The following OPCML variants were observed in gnomAD, a reference collection of about 807,000 sequenced individuals.
OPCML encodes opioid-binding protein/cell adhesion molecule.
OPCML carries 13 observed loss-of-function variants against 37.8 expected under a neutral mutation model. That is an observed-to-expected ratio of 0.34 (90% CI 0.22 to 0.55). The LOEUF (loss-of-function observed/expected upper bound fraction) is 0.55. Among genes scored for constraint, OPCML ranks in the 20% least tolerant of loss-of-function variants. The pLI is 0.91. For missense variants in OPCML, 341 were observed against 435.6 expected (o/e 0.78, Z 1.93); for synonymous variants, 176 against 168.8 (o/e 1.04, Z -0.33).
At chr11:133,447,777 G>A (rs1246220812) in intron 1 of OPCML, among the ~76,000 whole-genome samples, 1 of 152,122 alleles carries the variant, frequency 6.6e-6, no homozygotes, top group African/African-American at 2.4e-5. Flanking sequence ...ACCACTGAGG[G>A]GCTCTTAGGT....
At chr11:132,969,627 T>C (rs1946295332) in intron 1 of OPCML, among the ~76,000 whole-genome samples, 1 of 152,214 alleles carries the variant, frequency 6.6e-6, no homozygotes, top group Non-Finnish European at 1.5e-5. Flanking sequence ...TCTGTTTTTC[T>C]GATTGCGTAC....
At chr11:132,647,708 T>C (rs1941226157) in intron 3 of OPCML, among the ~76,000 whole-genome samples, 1 of 152,150 alleles carries the variant, frequency 6.6e-6, no homozygotes, top group Admixed American at 6.5e-5. Flanking sequence ...GAGGGGTAGG[T>C]CTTGCGGTCT....
At chr11:132,949,558 A>C (rs1419210919) in intron 1 of OPCML, among the ~76,000 whole-genome samples, 2 of 152,234 alleles carry the variant, frequency 1.3e-5, no homozygotes, top group African/African-American at 4.8e-5. Flanking sequence ...TTGTGGCAGG[A>C]CATTATCTGC....
intron 2 of OPCML, among the ~76,000 whole-genome samples, chr11:132,916,298 C>A (rs181942907): frequency 6.6e-6 from 1 of 152,280 alleles, no homozygotes; most frequent in Non-Finnish European, 1.5e-5. Flanking sequence ...GGCATTTGTG[C>A]TGACTCTCCC....
intron 2 of OPCML, among the ~76,000 whole-genome samples, chr11:132,678,641 A>G (rs963832531): frequency 1.3e-5 from 2 of 152,246 alleles, no homozygotes; most frequent in African/African-American, 4.8e-5. Flanking sequence ...AAAAGGCTAC[A>G]TATTGTATGA....
chr11:132,601,035 A>G (rs1937847774), intron 3 of OPCML, among the ~76,000 whole-genome samples: 1 of 152,120 alleles, frequency 6.6e-6, no homozygotes, highest in Non-Finnish European at 1.5e-5. Context: ...TTGCCAATGT[A>G]TAATGTATAT....
chr11:132,619,035 C>T (rs375746229), intron 3 of OPCML, among the ~76,000 whole-genome samples: 5 of 151,762 alleles, frequency 3.3e-5, no homozygotes, highest in African/African-American at 9.7e-5. Flanking sequence ...CCTATGGTTT[C>T]GAGGGAAAGC....
At chr11:132,942,161 AT>A (rs1340690508) in intron 2 of OPCML, among the ~76,000 whole-genome samples, 3 of 152,154 alleles carry the variant, frequency 2.0e-5, no homozygotes, top group Admixed American at 6.5e-5. Context: ...CTGCATTTTT[AT>A]TAAAGTATCT....
chr11:133,039,808 T>G (rs1055302320), intron 1 of OPCML, among the ~76,000 whole-genome samples: 3 of 152,006 alleles, frequency 2.0e-5, no homozygotes, highest in East Asian at 3.9e-4. Flanking sequence ...GGCGGGCACA[T>G]CACGAGGTCA....
At chr11:132,868,592 C>A (rs78063543) in intron 2 of OPCML, among the ~76,000 whole-genome samples, 1,964 of 152,204 alleles carry the variant, frequency 0.013, 50 homozygotes, top group African/African-American at 0.045. Context: ...CTAAGCTGTT[C>A]TTCTGGCCCG....
intron 1 of OPCML, among the ~76,000 whole-genome samples, chr11:133,513,123 G>A (rs1948193978): frequency 1.3e-5 from 2 of 152,060 alleles, no homozygotes; most frequent in Non-Finnish European, 2.9e-5. Context: ...AGAAGAATAT[G>A]AAGAGAGATG....
At chr11:133,529,350 G>A (rs1948555245) in intron 1 of OPCML, among the ~76,000 whole-genome samples, 1 of 152,132 alleles carries the variant, frequency 6.6e-6, no homozygotes, top group South Asian at 2.1e-4. Flanking sequence ...AGGTCAAGAA[G>A]GCCACCAGCC....
chr11:132,941,513 G>C (rs1024640817), intron 2 of OPCML, among the ~76,000 whole-genome samples: 4 of 152,182 alleles, frequency 2.6e-5, no homozygotes, highest in Non-Finnish European at 5.9e-5. Flanking sequence ...AAGCCAACTA[G>C]CTCACTGCAA....
intron 4 of OPCML, among the ~76,000 whole-genome samples, chr11:132,492,683 G>C (rs1197282523): frequency 6.6e-6 from 1 of 152,158 alleles, no homozygotes. Flanking sequence ...CAGGAATTCA[G>C]AGGAGAGGTT....
chr11:132,508,042 C>T (rs980871518), intron 4 of OPCML, among the ~76,000 whole-genome samples: 3 of 152,086 alleles, frequency 2.0e-5, no homozygotes, highest in African/African-American at 7.2e-5. Context: ...GGTAAAGGAG[C>T]TCTCTGAAAC....
intron 1 of OPCML, chr11:133,360,597 A>C (rs117675454): frequency 6.6e-6 from 1 of 152,070 alleles, no homozygotes; most frequent in Non-Finnish European, 1.5e-5. Context: ...GCGGGGACGG[A>C]GGGGAGAAAG....
intron 1 of OPCML, among the ~76,000 whole-genome samples, chr11:133,433,251 CAAAAAA>C (rs71477795): frequency 1.1e-5 from 1 of 90,734 alleles, no homozygotes; most frequent in African/African-American, 4.6e-5. Context: ...GACTCCGTCT[CAAAAAA>C]AAAAAAAAAA....
At chr11:133,042,140 G>A (rs548906513) in intron 1 of OPCML, among the ~76,000 whole-genome samples, 57 of 152,246 alleles carry the variant, frequency 3.7e-4, no homozygotes, top group Non-Finnish European at 5.1e-4. Flanking sequence ...ATGAGGCCCC[G>A]GCTCCTATTT....
At chr11:132,970,717 T>C (rs1021257298) in intron 1 of OPCML, among the ~76,000 whole-genome samples, 2 of 152,206 alleles carry the variant, frequency 1.3e-5, no homozygotes, top group African/African-American at 4.8e-5. Flanking sequence ...ATGTTGCTTC[T>C]CCTACTCATG....
Sources: allele counts gnomAD v4.1 joint callset (sites outside exome capture counted in the v4.1 genomes callset), GRCh38; gene constraint gnomAD v4.1.1; transcripts MANE v1.5; gene names NCBI Gene and HGNC (gene_info 2026-07-23, HGNC 2026-07-21).